RBM33: variants seen among roughly 807,000 people sequenced by gnomAD.
RBM33 encodes the protein RNA-binding protein 33.
Under a neutral mutation model 132.6 loss-of-function variants are expected in RBM33, and 28 were observed. The ratio of observed to expected loss-of-function variants is 0.21; its 90% CI spans 0.16 to 0.29. The LOEUF (loss-of-function observed/expected upper bound fraction) is 0.29, where lower values mean the gene tolerates loss of function less well. Among genes scored for constraint, RBM33 ranks in the 10% least tolerant of loss-of-function variants. The probability of loss-of-function intolerance (pLI) is 1.00; values close to 1 mark genes in which losing one functional copy is unlikely to be tolerated. For synonymous variants in RBM33, 634 were observed against 593.0 expected (o/e 1.07, Z -1.01); for missense variants, 1,291 against 1,518.5 (o/e 0.85, Z 2.49).
Position 155,680,754 on chromosome 7 carries a change from A to G in RBM33, c.413A>G (p.Tyr138Cys), listed in dbSNP as rs985826385. 11 of 1,613,610 alleles carry G rather than the reference A, an allele frequency of 6.8e-6. No individual in the cohort carries two copies. The highest frequency in any genetic ancestry group is 3.3e-5 in the Admixed American group (2 of 59,968). ...CACAAATCTGATGGATCAGAATTGTATACTCAAGAGTACCCAGAAGAAGGA... is the reference window on the plus strand; with the variant it reads ...CACAAATCTGATGGATCAGAATTGTGTACTCAAGAGTACCCAGAAGAAGGA... ...VYHKSDGSEL[Y>C]TQEYPEEGQY... is the part of the protein sequence containing the mutation. The change falls in exon 5 of 18, where the codon TAT becomes TGT. Residue 138 changes from tyrosine to cysteine, a missense_variant. By Grantham distance (194) the Tyr-to-Cys change is radical. Coordinates refer to ENST00000401878, the MANE Select transcript of RBM33 (RefSeq NM_053043.3).
chr7:155,739,917 C>G lies in RBM33; in HGVS notation c.1940C>G (p.Pro647Arg). Reference sequence around the variant, plus strand: ...CACCACCACCTGTCCGTCCCGCCCCCTCCTTTGATGCCGATGTCTCAGCCA... The same window carrying G: ...CACCACCACCTGTCCGTCCCGCCCCGTCCTTTGATGCCGATGTCTCAGCCA... ...HHHHHLSVPP[P>R]PLMPMSQPQF... The change falls in exon 12 of 18, where the codon CCT becomes CGT. Residue 647 changes from proline to arginine, a missense_variant. Coordinates refer to ENST00000401878, the MANE Select transcript of RBM33 (RefSeq NM_053043.3). The G allele has an allele frequency of 6.4e-7, 1 of 1,551,564 alleles. No individual in the cohort carries two copies. The highest frequency in any genetic ancestry group is 8.7e-7 in the Non-Finnish European group (1 of 1,147,202).
At chr7:155,688,167 A>T (rs1799531532) in intron 5 of RBM33, among the ~76,000 whole-genome samples, 2 of 152,110 alleles carry the variant, frequency 1.3e-5, no homozygotes, top group East Asian at 3.8e-4. Context: ...AGTGGTTTGT[A>T]GTTCTCCTTG....
At chr7:155,693,231 A>T (rs762451399) in intron 5 of RBM33, among the ~76,000 whole-genome samples, 4 of 152,210 alleles carry the variant, frequency 2.6e-5, no homozygotes, top group Admixed American at 6.5e-5. Context: ...CTTTTTAAAT[A>T]TGAAAAGACA....
chr7:155,679,054 C>G (rs1249463250), intron 4 of RBM33, among the ~76,000 whole-genome samples: 1 of 152,132 alleles, frequency 6.6e-6, no homozygotes. Flanking sequence ...CGCCTATAGT[C>G]CCAGCTACTT....
At chr7:155,686,886 A>G (rs892999961) in intron 5 of RBM33, among the ~76,000 whole-genome samples, 1 of 152,180 alleles carries the variant, frequency 6.6e-6, no homozygotes, top group African/African-American at 2.4e-5. Context: ...TCATTGATGG[A>G]CATTTGGGTT....
chr7:155,675,900 T>C (rs1481507619), intron 3 of RBM33, among the ~76,000 whole-genome samples: 1 of 152,222 alleles, frequency 6.6e-6, no homozygotes, highest in Non-Finnish European at 1.5e-5. Context: ...ATACTACTTT[T>C]TAAAAAGAAT....
rs1314413636 is a variant in RBM33, at chr7:155,741,858, C to G, written c.2089C>G (p.Gln697Glu). 8 of 1,613,664 alleles carry G rather than the reference C, an allele frequency of 5.0e-6. No homozygotes were observed. The highest frequency in any genetic ancestry group is 6.8e-6 in the Non-Finnish European group (8 of 1,179,546). Residue 697 changes from glutamine to glutamate, a missense_variant, in exon 13 of 18, where the codon CAA (glutamine) becomes GAA (glutamate). Gln to Glu is a conservative substitution (Grantham distance 29). Around this residue, in one of 7 missense-constraint regions of RBM33, gnomAD observed 841 missense variants for 912.0 expected, o/e 0.92. Coordinates refer to ENST00000401878, the MANE Select transcript of RBM33 (RefSeq NM_053043.3). ...GAATGTAAGCAAGCGGCCCATGCAG[C>G]AAATGCAGCCCACTGCGCCAAGGAA... ...SQNVSKRPMQQMQPTAPRNSN... is the reference protein window; with the variant it reads ...SQNVSKRPMQEMQPTAPRNSN...
At chr7:155,678,280 T>C (rs959759419) in intron 3 of RBM33, among the ~76,000 whole-genome samples, 2 of 152,258 alleles carry the variant, frequency 1.3e-5, no homozygotes, top group African/African-American at 4.8e-5. Context: ...GATATCTTTC[T>C]TTTTTTGTGT....
At chr7:155,684,737 G>A (rs933208037) in intron 5 of RBM33, among the ~76,000 whole-genome samples, 1 of 152,174 alleles carries the variant, frequency 6.6e-6, no homozygotes, top group Admixed American at 6.5e-5. Context: ...GGGCCAGCAT[G>A]ATATGCTTTG....
chr7:155,744,323 T>G (rs540857355), intron 13 of RBM33, among the ~76,000 whole-genome samples: 2 of 152,248 alleles, frequency 1.3e-5, no homozygotes, highest in African/African-American at 4.8e-5. Context: ...TTCAAAGATT[T>G]TTTTGTATCG....
At chr7:155,679,940 T>G (rs1373597477) in intron 4 of RBM33, among the ~76,000 whole-genome samples, 1 of 152,174 alleles carries the variant, frequency 6.6e-6, no homozygotes, top group African/African-American at 2.4e-5. Flanking sequence ...TGGAACATGT[T>G]TTTTTTGCAG....
Position 155,766,840 on chromosome 7 carries a change from A to T in RBM33, c.3375+185A>T, listed in dbSNP as rs1015401034. On this transcript the variant is annotated intron_variant, in intron 16 of 17. Transcript: ENST00000401878. ...ACATTTGCCTCAAACGTTTATTTTG[A>T]AATTTTCAGATTCTTAGTTATAAAT... The T allele has an allele frequency of 4.7e-5, 29 of 620,826 alleles. No homozygotes were observed. In the Admixed American group the frequency reaches 9.2e-4, roughly 20 times the overall value. The allele number at this position is 620,826 out of a possible 1,614,324, so 38.5% of individuals were successfully genotyped here. A position where few individuals can be genotyped will look rare whatever the true frequency, so the allele number is the denominator to read the frequency against.
At chr7:155,698,810 A>G (rs1449657267) in intron 5 of RBM33, among the ~76,000 whole-genome samples, 1 of 152,228 alleles carries the variant, frequency 6.6e-6, no homozygotes, top group East Asian at 1.9e-4. Context: ...ACTCAGTATA[A>G]TGATGCCTTT....
At position 155,778,318 on chromosome 7, in the gene RBM33, C is replaced by T. The variant is rs960528195; in HGVS notation, c.*3277C>T. On this transcript the variant is annotated 3_prime_UTR_variant, in exon 18 of 18. Coordinates refer to ENST00000401878, the MANE Select transcript of RBM33 (RefSeq NM_053043.3). This position sits in a 1 kb window ranked among gnomAD's most constrained non-coding sequence, Gnocchi z 4.0. The stretch of plus-strand genomic sequence containing the variant: ...TTGTGGCAGAGCTTAGATCCTGCAC[C>T]CAGGGGTCTTTTTTTCAAACAGCAT... 14 of 152,082 alleles carry T rather than the reference C, an allele frequency of 9.2e-5. No homozygotes were observed. Among genetic ancestry groups the T allele is most frequent in the African/African-American group, 3.1e-4 (13 of 41,374 alleles). 9.4% of individuals were successfully genotyped at this position (152,082 alleles called of 1,614,324 possible).
intron 5 of RBM33, among the ~76,000 whole-genome samples, chr7:155,689,977 C>A (rs1258240682): frequency 6.6e-6 from 1 of 152,164 alleles, no homozygotes; most frequent in Non-Finnish European, 1.5e-5. Flanking sequence ...CTGTAGATGT[C>A]TATTAGGTCC....
chr7:155,745,696 A>C lies in RBM33; in HGVS notation c.2979+94A>C. On this transcript the variant is annotated intron_variant, in intron 14 of 17. Transcript: ENST00000401878. This position sits in a 1 kb window ranked among gnomAD's most constrained non-coding sequence, Gnocchi z 4.1. ...GAATGTTTTTGAAGAAAGAATTAAA[A>C]GTTACCTCTGTTATAGTCTTGTAAC... is the stretch of plus-strand genomic sequence containing the variant. 1 of 1,244,342 alleles carries C rather than the reference A, an allele frequency of 8.0e-7. No homozygotes were observed. The highest frequency in any genetic ancestry group is 1.1e-6 in the Non-Finnish European group (1 of 911,432). 77.1% of individuals were successfully genotyped at this position (1,244,342 alleles called of 1,614,324 possible). A position where few individuals can be genotyped will look rare whatever the true frequency, so the allele number is the denominator to read the frequency against.
chr7:155,651,329 ATTG>A (rs1361408321), intron 1 of RBM33, among the ~76,000 whole-genome samples: 1 of 152,074 alleles, frequency 6.6e-6, no homozygotes, highest in African/African-American at 2.4e-5. Flanking sequence ...TTTTGGCGGT[ATTG>A]TTGTGTTTTC....
intron 7 of RBM33, among the ~76,000 whole-genome samples, chr7:155,710,455 TG>T (rs1187669120): frequency 6.6e-6 from 1 of 152,218 alleles, no homozygotes. Flanking sequence ...CTGTTGCAGT[TG>T]TTGATTTCTT....
chr7:155,661,350 A>G (rs1798644898), intron 1 of RBM33, among the ~76,000 whole-genome samples: 2 of 146,852 alleles, frequency 1.4e-5, no homozygotes, highest in African/African-American at 2.5e-5. Flanking sequence ...GTTGGCCAGC[A>G]TGGTCTCATG....
Sources: allele counts gnomAD v4.1 joint callset (sites outside exome capture counted in the v4.1 genomes callset), GRCh38; gene constraint gnomAD v4.1.1; regional missense constraint gnomAD v4.1.1; non-coding constraint Gnocchi (gnomAD v3.1); transcripts MANE v1.5; gene names NCBI Gene and HGNC (gene_info 2026-07-23, HGNC 2026-07-21).